PTPRM: variants seen among roughly 807,000 people sequenced by gnomAD.
PTPRM encodes the protein protein tyrosine phosphatase receptor type M, also known as receptor-type tyrosine-protein phosphatase mu.
In PTPRM, 47 loss-of-function variants were observed where a neutral mutation model predicts 186.7. That is an observed-to-expected ratio of 0.25 (90% CI 0.20 to 0.32). PTPRM has a LOEUF of 0.32. Among genes scored for constraint, PTPRM ranks in the 10% least tolerant of loss-of-function variants. The probability of loss-of-function intolerance (pLI) is 1.00; values close to 1 mark genes in which losing one functional copy is unlikely to be tolerated. For missense variants in PTPRM, 1,494 were observed against 1,865.0 expected, an observed-to-expected ratio of 0.80 and a Z score of 3.66; for synonymous variants, 668 against 674.9, an observed-to-expected ratio of 0.99 and a Z score of 0.16.
chr18:8,235,112 A>G (rs561602522), intron 14 of PTPRM, among the ~76,000 whole-genome samples: 1 of 152,112 alleles, frequency 6.6e-6, no homozygotes, highest in African/African-American at 2.4e-5. Flanking sequence ...GCTAGGAAGT[A>G]TTCTCTATTT....
intron 1 of PTPRM, among the ~76,000 whole-genome samples, chr18:7,773,570 G>GTTTTT (rs10708698): frequency 6.2e-5 from 8 of 129,084 alleles, no homozygotes; most frequent in Non-Finnish European, 1.3e-4. Context: ...TCTTTTCTTT[G>GTTTTT]TTTTTTTTTT....
chr18:8,191,881 T>G (rs1239440776), intron 14 of PTPRM, among the ~76,000 whole-genome samples: 1 of 152,184 alleles, frequency 6.6e-6, no homozygotes, highest in Non-Finnish European at 1.5e-5. Context: ...AATCTGACTA[T>G]GTAGCAAATT....
At chr18:7,766,413 G>A (rs1436263095) in intron 1 of PTPRM, among the ~76,000 whole-genome samples, 2 of 152,222 alleles carry the variant, frequency 1.3e-5, no homozygotes, top group Admixed American at 1.3e-4. Context: ...TAGCCCAGGG[G>A]CAGAGACAGA....
chr18:8,246,666 T>C (rs898486139), intron 15 of PTPRM, among the ~76,000 whole-genome samples: 11 of 152,222 alleles, frequency 7.2e-5, no homozygotes, highest in Admixed American at 2.6e-4. Flanking sequence ...TCATCCATTG[T>C]GCTCTTTTTC....
intron 17 of PTPRM, among the ~76,000 whole-genome samples, chr18:8,251,127 A>G (rs558629376): frequency 6.6e-6 from 1 of 152,324 alleles, no homozygotes; most frequent in Admixed American, 6.5e-5. Flanking sequence ...TACATACAAC[A>G]GTGACAGTTG....
chr18:8,001,157 A>G (rs1455301897), intron 7 of PTPRM, among the ~76,000 whole-genome samples: 1 of 152,206 alleles, frequency 6.6e-6, no homozygotes, highest in Non-Finnish European at 1.5e-5. Context: ...CAGCAGCTGT[A>G]CCACCTCTTG....
chr18:8,099,139 T>TTCTCTCTCTC (rs138039597), intron 11 of PTPRM, among the ~76,000 whole-genome samples: 3 of 149,508 alleles, frequency 2.0e-5, no homozygotes, highest in African/African-American at 7.4e-5. Context: ...CACAGTCTCT[T>TTCTCTCTCTC]TCTCTCTCTC....
chr18:7,872,688 G>GTGGAGGGCACTCTGTGGAGGCAGAAGA (rs1281280651), intron 2 of PTPRM, among the ~76,000 whole-genome samples: 2 of 152,182 alleles, frequency 1.3e-5, no homozygotes, highest in African/African-American at 4.8e-5. Flanking sequence ...TGACAGACCT[G>GTGGAGGGCACTCTGTGGAGGCAGAAGA]TGGAGGGCAC....
chr18:8,356,647 G>A (rs1025509325), intron 23 of PTPRM, among the ~76,000 whole-genome samples: 1 of 152,170 alleles, frequency 6.6e-6, no homozygotes, highest in African/African-American at 2.4e-5. Flanking sequence ...AAAGGTGTTC[G>A]CCTGGAATGG....
intron 1 of PTPRM, among the ~76,000 whole-genome samples, chr18:7,665,168 T>A (rs1339712122): frequency 6.6e-6 from 1 of 152,206 alleles, no homozygotes; most frequent in Non-Finnish European, 1.5e-5. Flanking sequence ...ATTTTATGTT[T>A]AGACTGATGA....
At chr18:8,335,101 T>C (rs2095431490) in intron 22 of PTPRM, among the ~76,000 whole-genome samples, 1 of 152,238 alleles carries the variant, frequency 6.6e-6, no homozygotes, top group East Asian at 1.9e-4. Context: ...TCTGTCATGG[T>C]TGTCTTCCAC....
At chr18:8,370,131 T>G (rs1332450587) in intron 23 of PTPRM, among the ~76,000 whole-genome samples, 2 of 150,136 alleles carry the variant, frequency 1.3e-5, no homozygotes, top group Non-Finnish European at 2.9e-5. Flanking sequence ...GGTCACGTGT[T>G]CCTGCCCAGC....
At chr18:8,195,152 CTTTTTTTTTTT>C (rs1164451439) in intron 14 of PTPRM, among the ~76,000 whole-genome samples, 2 of 117,066 alleles carry the variant, frequency 1.7e-5, no homozygotes, top group African/African-American at 6.5e-5. Context: ...CTTAGAAGTT[CTTTTTTTTTTT>C]TTTTTTTTTT....
At chr18:8,208,843 A>G (rs1345205441) in intron 14 of PTPRM, among the ~76,000 whole-genome samples, 1 of 152,178 alleles carries the variant, frequency 6.6e-6, no homozygotes, top group Non-Finnish European at 1.5e-5. Flanking sequence ...TGATTCATAA[A>G]GAGGAAGGAA....
chr18:7,903,247 A>G (rs1185492803), intron 3 of PTPRM, among the ~76,000 whole-genome samples: 2 of 152,232 alleles, frequency 1.3e-5, no homozygotes, highest in Non-Finnish European at 2.9e-5. Context: ...AGAGGATGGC[A>G]GGTGGGATGA....
intron 2 of PTPRM, among the ~76,000 whole-genome samples, chr18:7,821,314 A>C (rs1223182449): frequency 3.3e-5 from 5 of 152,180 alleles, no homozygotes; most frequent in Non-Finnish European, 5.9e-5. Flanking sequence ...GTTGCTTTTC[A>C]GTCCCTCTCC....
In PTPRM at chr18:7,593,519, T is replaced by C. The variant is rs190831154; in HGVS notation, c.73+25628T>C. The stretch of plus-strand genomic sequence containing the variant: ...CTTCTAATTAATCTTGGCTGACATT[T>C]GATTTCATACCCAAGTTAAAGGCAA... On this transcript the variant is annotated intron_variant, in intron 1 of 32. Coordinates refer to ENST00000580170, the MANE Select transcript of PTPRM (RefSeq NM_001105244.2). Among the ~76,000 whole-genome samples the C allele has an allele frequency of 2.5e-4, 38 of 152,340 alleles. No individual in the cohort carries two copies. In the East Asian group the frequency reaches 6.2e-3, roughly 25 times the overall value.
chr18:7,652,631 T>C (rs2038740967), intron 1 of PTPRM, among the ~76,000 whole-genome samples: 1 of 151,678 alleles, frequency 6.6e-6, no homozygotes, highest in Non-Finnish European at 1.5e-5. Context: ...GAAATCATCA[T>C]TCTCAGTAAA....
intron 2 of PTPRM, among the ~76,000 whole-genome samples, chr18:7,885,584 C>G (rs973655211): frequency 3.3e-5 from 5 of 152,168 alleles, no homozygotes; most frequent in African/African-American, 1.2e-4. Context: ...ACTCCCCTGT[C>G]TAGTAATCCT....
Sources: allele counts gnomAD v4.1 joint callset (sites outside exome capture counted in the v4.1 genomes callset), GRCh38; gene constraint gnomAD v4.1.1; transcripts MANE v1.5; gene names NCBI Gene and HGNC (gene_info 2026-07-23, HGNC 2026-07-21).